The following RPS6KC1 variants were observed in gnomAD, a reference collection of about 807,000 sequenced individuals.
RPS6KC1 encodes inactive ribosomal protein S6 kinase delta-1.
A neutral mutation model predicts 103.8 loss-of-function variants in RPS6KC1; 54 were observed. The ratio of observed to expected loss-of-function variants is 0.52; its 90% CI spans 0.42 to 0.65. RPS6KC1 has a LOEUF of 0.65. Ranked by LOEUF, RPS6KC1 falls within the 30% of genes least tolerant of loss-of-function variation. The pLI is 0.00. For synonymous variants in RPS6KC1, 439 were observed against 438.7 expected (o/e 1.00, Z -0.01); for missense variants, 1,151 against 1,253.8 (o/e 0.92, Z 1.24).
At chr1:213,151,968 G>A (rs2089096542) in intron 6 of RPS6KC1, among the ~76,000 whole-genome samples, 1 of 126,300 alleles carries the variant, frequency 7.9e-6, no homozygotes, top group African/African-American at 3.2e-5. Flanking sequence ...CGGCTGGCCG[G>A]GCAGAGGGGC....
At chr1:213,612,111 G>T in the RPS6KC1 span, among the ~76,000 whole-genome samples, 1 of 152,206 alleles carries the variant, frequency 6.6e-6, no homozygotes, top group Non-Finnish European at 1.5e-5. Flanking sequence ...AGCATCAGCA[G>T]CACTGGGAAC....
the RPS6KC1 span, among the ~76,000 whole-genome samples, chr1:213,382,232 C>T: frequency 6.6e-6 from 1 of 152,180 alleles, no homozygotes; most frequent in Admixed American, 6.5e-5. Flanking sequence ...GCTTTTCTCC[C>T]CCTGGGTTGC....
the RPS6KC1 span, among the ~76,000 whole-genome samples, chr1:213,355,335 A>G: frequency 1.3e-5 from 2 of 152,162 alleles, no homozygotes; most frequent in Admixed American, 1.3e-4. Flanking sequence ...TGTCATTTTC[A>G]GACCAGCTGG....
intron 5 of RPS6KC1, among the ~76,000 whole-genome samples, chr1:213,120,894 C>A (rs570712214): frequency 2.6e-5 from 4 of 152,064 alleles, no homozygotes; most frequent in South Asian, 2.1e-4. Context: ...AAAATGCAGT[C>A]AACAGATCCT....
At chr1:213,154,463 C>T (rs1479761508) in intron 6 of RPS6KC1, among the ~76,000 whole-genome samples, 1 of 152,228 alleles carries the variant, frequency 6.6e-6, no homozygotes, top group East Asian at 1.9e-4. Flanking sequence ...GGCACTCAAA[C>T]CACAAGGTGC....
At chr1:213,217,722 G>A (rs1021591058) in intron 8 of RPS6KC1, among the ~76,000 whole-genome samples, 9 of 152,096 alleles carry the variant, frequency 5.9e-5, no homozygotes, top group African/African-American at 1.7e-4. Context: ...TTCAACATAT[G>A]CAAATCAATA....
At chr1:213,424,714 T>A in the RPS6KC1 span, among the ~76,000 whole-genome samples, 2 of 152,274 alleles carry the variant, frequency 1.3e-5, no homozygotes, top group Non-Finnish European at 2.9e-5. Context: ...CCTATTTCTC[T>A]TGGGCATTTT....
At chr1:213,631,540 C>A in the RPS6KC1 span, among the ~76,000 whole-genome samples, 1 of 152,090 alleles carries the variant, frequency 6.6e-6, no homozygotes, top group South Asian at 2.1e-4. Context: ...CTGTAAAAAC[C>A]TCATTGAATA....
chr1:213,537,341 G>A, the RPS6KC1 span, among the ~76,000 whole-genome samples: 13 of 152,100 alleles, frequency 8.5e-5, no homozygotes, highest in Admixed American at 5.2e-4. Context: ...CACTGGGAGC[G>A]TTTACCCTGC....
the RPS6KC1 span, among the ~76,000 whole-genome samples, chr1:213,608,341 G>GGAA: frequency 6.6e-5 from 10 of 152,192 alleles, no homozygotes; most frequent in Non-Finnish European, 8.8e-5. Flanking sequence ...AAGCACCCGT[G>GGAA]TTGCTCCCCT....
the RPS6KC1 span, among the ~76,000 whole-genome samples, chr1:213,515,131 C>A: frequency 6.6e-6 from 1 of 152,036 alleles, no homozygotes; most frequent in South Asian, 2.1e-4. Context: ...GGATATTAGC[C>A]TTTTGTCAGA....
At chr1:213,317,545 A>T in the RPS6KC1 span, among the ~76,000 whole-genome samples, 1 of 152,158 alleles carries the variant, frequency 6.6e-6, no homozygotes, top group Non-Finnish European at 1.5e-5. Context: ...CATCACTTCC[A>T]TAAAGACCCC....
chr1:213,212,224 C>T (rs1485409123), intron 8 of RPS6KC1, among the ~76,000 whole-genome samples: 1 of 152,122 alleles, frequency 6.6e-6, no homozygotes, highest in African/African-American at 2.4e-5. Flanking sequence ...AATCTCTGTG[C>T]TCTGCCTGTT....
chr1:213,448,129 T>C, the RPS6KC1 span, among the ~76,000 whole-genome samples: 3 of 148,292 alleles, frequency 2.0e-5, no homozygotes, highest in Non-Finnish European at 4.4e-5. Context: ...TCCCAGCCAC[T>C]TGGGAGGCTA....
chr1:213,234,158 C>T (rs2094170636), intron 10 of RPS6KC1, among the ~76,000 whole-genome samples: 1 of 151,818 alleles, frequency 6.6e-6, no homozygotes, highest in Non-Finnish European at 1.5e-5. Flanking sequence ...TACATGCGTG[C>T]ACCACCACAT....
chr1:213,839,099 TAC>T, the RPS6KC1 span, among the ~76,000 whole-genome samples: 2 of 152,194 alleles, frequency 1.3e-5, no homozygotes, highest in Non-Finnish European at 2.9e-5. Context: ...ATGTAACTTT[TAC>T]AGTTAGGTTG....
chr1:213,768,451 G>A, the RPS6KC1 span, among the ~76,000 whole-genome samples: 3,193 of 152,266 alleles, frequency 0.021, 59 homozygotes, highest in East Asian at 0.058. Flanking sequence ...TATCACAAGC[G>A]CCTATTTATA....
chr1:213,813,871 G>A, the RPS6KC1 span, among the ~76,000 whole-genome samples: 2 of 152,112 alleles, frequency 1.3e-5, no homozygotes, highest in East Asian at 1.9e-4. Flanking sequence ...TTCTCATAGC[G>A]ATTAGCACTT....
chr1:213,164,857 C>T (rs568886380), intron 6 of RPS6KC1, among the ~76,000 whole-genome samples: 77 of 152,320 alleles, frequency 5.1e-4, no homozygotes, highest in African/African-American at 1.8e-3. Flanking sequence ...GAGTGAGCCA[C>T]AGCCTAGTTT....
Sources: gnomAD v4.1 joint callset for allele counts (sites outside exome capture counted in the v4.1 genomes callset) on GRCh38, gnomAD v4.1.1 for gene constraint, MANE v1.5 for transcripts, NCBI Gene and HGNC (gene_info 2026-07-23, HGNC 2026-07-21) for gene names.